Variants in POMT2 observed in about 807,000 individuals in gnomAD.
POMT2 encodes protein O-mannosyltransferase 2, also known as protein O-mannosyl-transferase 2.
Under a neutral mutation model 100.0 loss-of-function variants are expected in POMT2, and 75 were observed. The observed-to-expected ratio is 0.75, with a 90% CI of 0.62 to 0.91. The LOEUF (loss-of-function observed/expected upper bound fraction) is 0.91. POMT2 is among the 40% of genes least tolerant of loss of function. POMT2 has a pLI of 0.00. For synonymous variants in POMT2, 378 were observed against 374.1 expected (o/e 1.01, Z -0.12); for missense variants, 940 against 955.1 (o/e 0.98, Z 0.21).
Position 77,301,232 on chromosome 14 carries a change from C to T in POMT2, c.674G>A (p.Trp225Ter). 6.2e-7 allele frequency: 1 copy of T among 1,614,152 alleles called. No homozygotes were observed. Residue 225 changes from tryptophan to a stop codon, truncating the protein, a stop_gained, in exon 6 of 21, where the codon TGG becomes TAG. Transcript: ENST00000261534. LOFTEE classifies it high-confidence loss of function. ...SCADRPFSAP[W>*]WFWLSLTGVS... Reference sequence around the variant, plus strand: ...GCCAGTCAGGCTGAGCCAGAACCACCAGGGGGCAGAGAAGGGCCTGAAAAT... The same window carrying T: ...GCCAGTCAGGCTGAGCCAGAACCACTAGGGGGCAGAGAAGGGCCTGAAAAT...
Position 77,296,236 on chromosome 14 carries a change from G to A in POMT2, c.1044C>T (p.Leu348=), listed in dbSNP as rs267604062. The A allele has an allele frequency of 8.7e-6, 14 of 1,608,496 alleles. No individual in the cohort carries two copies. The highest frequency in any genetic ancestry group is 1.2e-5 in the Non-Finnish European group (14 of 1,178,018). ...AYGSVITVKN[L]RMAIGYLHSH... ...AGTGCAGATAGCCGATGGCCATCCG[G>A]AGGTTCTTCACAGTGATCACAGAGC... Residue 348 remains leucine (L), a synonymous_variant, in exon 9 of 21, where the codon CTC becomes CTT. Coordinates refer to ENST00000261534, the MANE Select transcript of POMT2 (RefSeq NM_013382.7).
At chr14:77,305,957 T>G (rs1891211347) in intron 3 of POMT2, among the ~76,000 whole-genome samples, 1 of 152,202 alleles carries the variant, frequency 6.6e-6, no homozygotes, top group South Asian at 2.1e-4. Flanking sequence ...CCAGCAGCTG[T>G]GGCTGTGAGG....
intron 3 of POMT2, among the ~76,000 whole-genome samples, chr14:77,305,624 G>A (rs1422269715): frequency 6.6e-6 from 1 of 152,230 alleles, no homozygotes; most frequent in Non-Finnish European, 1.5e-5. Flanking sequence ...TTTAAATGCT[G>A]TGAAATCCTC....
intron 1 of POMT2, among the ~76,000 whole-genome samples, chr14:77,313,272 T>G (rs1014048522): frequency 1.3e-5 from 2 of 152,252 alleles, no homozygotes; most frequent in East Asian, 3.8e-4. Flanking sequence ...ACTTGGTGGG[T>G]CCAAGATAGG....
chr14:77,281,218 G>A (rs1007514709), intron 15 of POMT2, among the ~76,000 whole-genome samples: 12 of 152,160 alleles, frequency 7.9e-5, no homozygotes, highest in Non-Finnish European at 1.6e-4. Context: ...GCCTAGACTT[G>A]GAAGAGGTTG....
intron 1 of POMT2, among the ~76,000 whole-genome samples, chr14:77,316,390 T>G (rs1891627043): frequency 6.6e-6 from 1 of 151,734 alleles, no homozygotes; most frequent in African/African-American, 2.4e-5. Context: ...CTTGGCAGGA[T>G]AGTGAGAACT....
chr14:77,279,858 A>G lies in POMT2; in HGVS notation c.1856T>C (p.Met619Thr). ...LLSGSIIAVAMQRGARLPAEV... is the reference protein window; with the variant it reads ...LLSGSIIAVATQRGARLPAEV... ...CGCTGGCAGCCGTGCCCCTCTCTGC[A>G]TGGCTACAGCAATGATGCTCCCTGA... Residue 619 changes from methionine to threonine, a missense_variant, in exon 18 of 21, where the codon ATG becomes ACG. Physicochemically the swap from Met to Thr is moderately conservative, Grantham distance 81 (BLOSUM62 -1). Coordinates refer to ENST00000261534, the MANE Select transcript of POMT2 (RefSeq NM_013382.7). 7 of 1,613,988 alleles carry G rather than the reference A, an allele frequency of 4.3e-6. No individual in the cohort carries two copies. The highest frequency in any genetic ancestry group is 1.1e-5 in the South Asian group (1 of 91,088).
intron 1 of POMT2, among the ~76,000 whole-genome samples, chr14:77,313,604 G>C (rs1891518512): frequency 6.6e-6 from 1 of 152,154 alleles, no homozygotes; most frequent in Admixed American, 6.5e-5. Context: ...ATCCCTGCTG[G>C]GCCCTCCTTA....
In POMT2 at chr14:77,291,393, TGGGGGC is replaced by T; in HGVS notation, c.1117-19_1117-14del. On this transcript the variant is annotated splice_polypyrimidine_tract_variant and intron_variant, in intron 9 of 20. Transcript: ENST00000261534. The stretch of plus-strand genomic sequence containing the variant: ...AATAGGTGGTGACCTGGGTGGGGGG[TGGGGGC>T]GGAGGGAAGAGGAAGCAGGAGGGAG... The T allele has an allele frequency of 1.6e-5, 7 of 449,186 alleles. No individual in the cohort carries two copies. Among genetic ancestry groups the T allele is most frequent in the Non-Finnish European group, 2.6e-5 (7 of 265,028 alleles). 27.8% of individuals were successfully genotyped at this position (449,186 alleles called of 1,614,324 possible). A position where few individuals can be genotyped will look rare whatever the true frequency, so the allele number is the denominator to read the frequency against.
intron 4 of POMT2, among the ~76,000 whole-genome samples, chr14:77,303,288 ACTAT>A (rs1418144693): frequency 6.6e-6 from 1 of 150,670 alleles, no homozygotes; most frequent in Non-Finnish European, 1.5e-5. Flanking sequence ...GTAACCGCAA[ACTAT>A]CTACACCTAT....
chr14:77,277,133 A>T lies in POMT2; in HGVS notation c.*243T>A. ...GCACCCATCCTCCCCTGCGCTGTGC[A>T]CGAGGGAGCAGCCCAAGAGGCGCTG... On this transcript the variant is annotated 3_prime_UTR_variant, in exon 21 of 21. Coordinates refer to ENST00000261534, the MANE Select transcript of POMT2 (RefSeq NM_013382.7). 1 of 550,892 alleles carries T rather than the reference A, an allele frequency of 1.8e-6. No homozygotes were observed. The highest frequency in any genetic ancestry group is 3.3e-6 in the Non-Finnish European group (1 of 304,270). The allele number at this position is 550,892 out of a possible 1,614,324, so 34.1% of individuals were successfully genotyped here. A position where few individuals can be genotyped will look rare whatever the true frequency, so the allele number is the denominator to read the frequency against.
intron 1 of POMT2, among the ~76,000 whole-genome samples, chr14:77,315,313 A>G (rs1566663508): frequency 2.0e-5 from 3 of 152,154 alleles, no homozygotes; most frequent in African/African-American, 7.2e-5. Flanking sequence ...AGGAGCAGAA[A>G]AAGCTTCTCC....
At chr14:77,312,249 A>G in intron 1 of POMT2, 1 of 643,656 alleles carries the variant, frequency 1.6e-6, no homozygotes, top group South Asian at 2.0e-5. Flanking sequence ...AAAGGCGAGC[A>G]AATATTCACT....
intron 6 of POMT2, 45 bp from the exon 7 acceptor site, chr14:77,299,606 A>C: frequency 2.1e-6 from 3 of 1,399,690 alleles, no homozygotes; most frequent in Non-Finnish European, 3.0e-6. Context: ...GTGAGACCTC[A>C]TTATTCCTTA....
Position 77,311,936 on chromosome 14 carries a change from C to T in POMT2, c.333+13G>A. On this transcript the variant is annotated intron_variant, in intron 2 of 20. Transcript: ENST00000261534. ...TCTGGGACCAGAGAGCTGCTATTCA[C>T]CACACTGCTCACCTTTCCCAGGGGC... 6.2e-7 allele frequency: 1 copy of T among 1,613,946 alleles called. No homozygotes were observed. Among genetic ancestry groups the T allele is most frequent in the Non-Finnish European group, 8.5e-7 (1 of 1,179,920 alleles).
chr14:77,278,380 G>A lies in POMT2; in HGVS notation c.2147+14C>T, dbSNP rs1482415237. 6 of 1,455,500 alleles carry A rather than the reference G, an allele frequency of 4.1e-6. No homozygotes were observed. Among genetic ancestry groups the A allele is most frequent in the Non-Finnish European group, 5.7e-6 (6 of 1,060,792 alleles). The allele number at this position is 1,455,500 out of a possible 1,614,324, so 90.2% of individuals were successfully genotyped here. On this transcript the variant is annotated intron_variant, in intron 20 of 20. Coordinates refer to ENST00000261534, the MANE Select transcript of POMT2 (RefSeq NM_013382.7). Reference sequence around the variant, plus strand: ...CCCACACTGGGAGGGCATGTGAGGTGCAGAGATGCTCACCTGTAGGCAGTT... The same window carrying A: ...CCCACACTGGGAGGGCATGTGAGGTACAGAGATGCTCACCTGTAGGCAGTT...
chr14:77,293,184 CTCGATATCG>C (rs1890700652), intron 9 of POMT2, among the ~76,000 whole-genome samples: 1 of 152,184 alleles, frequency 6.6e-6, no homozygotes, highest in Admixed American at 6.5e-5. Context: ...TGAGAAAAAG[CTCGATATCG>C]TCCATCCAGC....
rs1379146394 is a variant in POMT2, at chr14:77,285,650, A to G, written c.1333-18T>C. On this transcript the variant is annotated intron_variant, in intron 12 of 20. Coordinates refer to ENST00000261534, the MANE Select transcript of POMT2 (RefSeq NM_013382.7). The stretch of plus-strand genomic sequence containing the variant: ...GTTCCATTCTGCCATAAAAGCCAAG[A>G]AAAAAATACAAAGAAAGTGAGGGGA... 1 of 1,606,500 alleles carries G rather than the reference A, an allele frequency of 6.2e-7. No individual in the cohort carries two copies. The highest frequency in any genetic ancestry group is 8.5e-7 in the Non-Finnish European group (1 of 1,173,200).
Position 77,280,088 on chromosome 14 carries a change from A to G in POMT2, c.1726-8T>C, listed in dbSNP as rs764878921. 82 of 1,613,788 alleles carry G rather than the reference A, an allele frequency of 5.1e-5. No individual in the cohort carries two copies. Among genetic ancestry groups the G allele is most frequent in the Non-Finnish European group, 6.9e-5 (82 of 1,180,018 alleles). The stretch of plus-strand genomic sequence containing the variant: ...CCCTGAGAAGCGTAGGCCCTGTGGA[A>G]TAGAGACCACCCTGCTGACCCAGGC... On this transcript the variant is annotated splice_polypyrimidine_tract_variant and splice_region_variant and intron_variant, in intron 16 of 20. Coordinates refer to ENST00000261534, the MANE Select transcript of POMT2 (RefSeq NM_013382.7).
Sources: allele counts gnomAD v4.1 joint callset (sites outside exome capture counted in the v4.1 genomes callset), GRCh38; gene constraint gnomAD v4.1.1; transcripts MANE v1.5; gene names NCBI Gene and HGNC (gene_info 2026-07-23, HGNC 2026-07-21).